The following PDE4B variants were observed in gnomAD, a reference collection of about 807,000 sequenced individuals.
PDE4B encodes 3',5'-cyclic-AMP phosphodiesterase 4B.
Under a neutral mutation model 82.2 loss-of-function variants are expected in PDE4B, and 20 were observed. That is an observed-to-expected ratio of 0.24 (90% CI 0.17 to 0.35). The LOEUF (loss-of-function observed/expected upper bound fraction) is 0.35, where lower values mean the gene tolerates loss of function less well. PDE4B is among the 10% of genes least tolerant of loss of function. The pLI, the probability that PDE4B is intolerant of heterozygous loss-of-function variation, is 1.00. For missense variants in PDE4B, 655 were observed against 907.2 expected, an observed-to-expected ratio of 0.72 and a Z score of 3.57; for synonymous variants, 320 against 318.9, an observed-to-expected ratio of 1.00 and a Z score of -0.04.
At position 66,247,474 on chromosome 1, in the gene PDE4B, A is replaced by C; in HGVS notation, c.296A>C (p.Asn99Thr). The C allele has an allele frequency of 6.3e-7, 1 of 1,575,360 alleles. No homozygotes were observed. The highest frequency in any genetic ancestry group is 1.2e-5 in the South Asian group (1 of 85,436). Residue 99 changes from asparagine (N) to threonine (T), a missense_variant, in exon 4 of 17, where the codon AAT becomes ACT. By Grantham distance (65) the Asn-to-Thr change is moderately conservative. Transcript: ENST00000341517. ...TTCTCTTTAAGCTTTGATGTGGAAA[A>C]TGGCCCTTCCCCAGGTCGGAGTCCA... ...TVSQECFDVE[N>T]GPSPGRSPLD...
intron 3 of PDE4B, among the ~76,000 whole-genome samples, chr1:66,067,655 G>A (rs1470996386): frequency 6.6e-6 from 1 of 151,948 alleles, no homozygotes; most frequent in African/African-American, 2.4e-5. Flanking sequence ...TCACTCTGAT[G>A]GTAGTTTCTT....
chr1:66,256,924 G>A (rs1027535261), intron 4 of PDE4B, among the ~76,000 whole-genome samples: 1 of 152,166 alleles, frequency 6.6e-6, no homozygotes, highest in Non-Finnish European at 1.5e-5. Flanking sequence ...CTGAATGTGG[G>A]TTTAAGTAGA....
chr1:66,293,532 C>A (rs1225880243), intron 7 of PDE4B, among the ~76,000 whole-genome samples: 1 of 152,172 alleles, frequency 6.6e-6, no homozygotes, highest in African/African-American at 2.4e-5. Flanking sequence ...CATTTACCAT[C>A]TCTAGAATTC....
Position 66,372,669 on chromosome 1 carries a change from G to A in PDE4B, c.2202G>A (p.Val734=). 6.2e-7 allele frequency: 1 copy of A among 1,611,196 alleles called. No individual in the cohort carries two copies. The highest frequency in any genetic ancestry group is 8.5e-7 in the Non-Finnish European group (1 of 1,178,168). The stretch of plus-strand genomic sequence containing the variant: ...TTGCAACAGAAGACAAGTCCCCCGT[G>A]GATACATAATCCCCCTCTCCCTGTG... The part of the protein sequence containing the change: ...IDIATEDKSP[V]DT Residue 734 remains valine, a synonymous_variant, in exon 17 of 17, where the codon GTG becomes GTA. Coordinates refer to ENST00000341517, the MANE Select transcript of PDE4B (RefSeq NM_002600.4).
chr1:66,143,962 C>G (rs937424045), intron 3 of PDE4B, among the ~76,000 whole-genome samples: 1 of 152,180 alleles, frequency 6.6e-6, no homozygotes, highest in African/African-American at 2.4e-5. Flanking sequence ...GTCTGCCTAC[C>G]CCAGACTCCT....
chr1:65,965,829 C>CTT (rs1408285223), intron 3 of PDE4B, among the ~76,000 whole-genome samples: 5 of 152,170 alleles, frequency 3.3e-5, no homozygotes, highest in African/African-American at 1.2e-4. Context: ...CAGAAAAGGC[C>CTT]TGCAACAAAA....
intron 3 of PDE4B, among the ~76,000 whole-genome samples, chr1:66,100,320 T>C (rs1645197608): frequency 6.6e-6 from 1 of 152,130 alleles, no homozygotes; most frequent in Non-Finnish European, 1.5e-5. Flanking sequence ...CCTAAAGTGC[T>C]GGGATTACAG....
intron 8 of PDE4B, among the ~76,000 whole-genome samples, chr1:66,340,300 G>A (rs1020506466): frequency 2.6e-5 from 4 of 152,114 alleles, no homozygotes; most frequent in East Asian, 1.9e-4. Context: ...CACAAAGAAA[G>A]GACTGTTAAG....
chr1:66,051,416 G>A (rs1177815352), intron 3 of PDE4B, among the ~76,000 whole-genome samples: 3 of 151,988 alleles, frequency 2.0e-5, no homozygotes, highest in Non-Finnish European at 4.4e-5. Context: ...TCCATGGAGT[G>A]AACATTTCTA....
At chr1:66,079,432 A>C (rs1003341112) in intron 3 of PDE4B, among the ~76,000 whole-genome samples, 1 of 152,100 alleles carries the variant, frequency 6.6e-6, no homozygotes, top group Admixed American at 6.6e-5. Flanking sequence ...TACATGTGAA[A>C]TATGCCACAT....
intron 3 of PDE4B, chr1:66,152,535 A>G (rs1158637863): frequency 6.2e-6 from 2 of 324,916 alleles, no homozygotes; most frequent in Non-Finnish European, 7.0e-6. Flanking sequence ...CTGATGAGGT[A>G]TGTATATGTA....
In PDE4B at chr1:66,179,772, A is replaced by T. The variant is rs146155217; in HGVS notation, c.282-67688A>T. Among the ~76,000 whole-genome samples the T allele has an allele frequency of 6.6e-4, 100 of 152,328 alleles. No homozygotes were observed. In the East Asian group the frequency reaches 0.016, roughly 24 times the overall value. On this transcript the variant is annotated intron_variant, in intron 3 of 16. Coordinates refer to ENST00000341517, the MANE Select transcript of PDE4B (RefSeq NM_002600.4). ...TCTGGACTGACATGGTAGATTGTAC[A>T]CTTCTTAAAAACACAGGGAACCCTC...
chr1:65,815,019 CATTT>C (rs1237004474), intron 1 of PDE4B, among the ~76,000 whole-genome samples: 2 of 145,538 alleles, frequency 1.4e-5, no homozygotes, highest in African/African-American at 5.1e-5. Flanking sequence ...ATTCAACACA[CATTT>C]TATTTATTTA....
At chr1:65,820,435 G>C (rs1185151655) in intron 1 of PDE4B, among the ~76,000 whole-genome samples, 1 of 152,164 alleles carries the variant, frequency 6.6e-6, no homozygotes, top group African/African-American at 2.4e-5. Flanking sequence ...AAATTATAAA[G>C]ATTAATTGAA....
chr1:65,888,016 C>A (rs1163439359), intron 1 of PDE4B, among the ~76,000 whole-genome samples: 1 of 152,096 alleles, frequency 6.6e-6, no homozygotes, highest in Non-Finnish European at 1.5e-5. Flanking sequence ...GCCATAAAAT[C>A]TTTTCTAGAC....
chr1:66,291,034 C>T (rs519044), intron 7 of PDE4B, among the ~76,000 whole-genome samples: 62,858 of 151,992 alleles, frequency 0.41, 15,272 homozygotes, highest in Non-Finnish European at 0.55. Context: ...CATCAGCTCT[C>T]CCCACTGCCA....
chr1:66,232,526 A>G (rs1344554357), intron 3 of PDE4B, among the ~76,000 whole-genome samples: 1 of 152,238 alleles, frequency 6.6e-6, no homozygotes, highest in Non-Finnish European at 1.5e-5. Flanking sequence ...AAAGCTTGAT[A>G]AAATCACCTA....
intron 3 of PDE4B, among the ~76,000 whole-genome samples, chr1:65,961,932 T>C (rs1266758875): frequency 1.3e-5 from 2 of 152,030 alleles, no homozygotes; most frequent in African/African-American, 2.4e-5. Flanking sequence ...GGCTGAAGAG[T>C]CTGTAGCATG....
At chr1:65,981,212 C>G (rs1390059560) in intron 3 of PDE4B, among the ~76,000 whole-genome samples, 1 of 152,074 alleles carries the variant, frequency 6.6e-6, no homozygotes, top group African/African-American at 2.4e-5. Context: ...GATTTTAACA[C>G]AAGAGACAAA....
Sources: allele counts gnomAD v4.1 joint callset (sites outside exome capture counted in the v4.1 genomes callset), GRCh38; gene constraint gnomAD v4.1.1; transcripts MANE v1.5; gene names NCBI Gene and HGNC (gene_info 2026-07-23, HGNC 2026-07-21).